The following GNAT2 variants were observed in gnomAD, a reference collection of about 807,000 sequenced individuals.
GNAT2 encodes the protein guanine nucleotide-binding protein G(t) subunit alpha-2.
Under a neutral mutation model 40.9 loss-of-function variants are expected in GNAT2, and 32 were observed. The ratio of observed to expected loss-of-function variants is 0.78; its 90% CI spans 0.59 to 1.05. GNAT2 has a LOEUF of 1.05. GNAT2 is among the 50% of genes least tolerant of loss of function. The pLI is 0.00. For missense variants in GNAT2, 355 were observed against 431.5 expected (o/e 0.82, Z 1.57); for synonymous variants, 141 against 157.2 (o/e 0.90, Z 0.77).
intron 1 of GNAT2, chr1:109,616,500 G>A (rs1649953895): frequency 6.6e-6 from 1 of 152,212 alleles, no homozygotes; most frequent in Admixed American, 6.5e-5. Context: ...TGTCCCAGAT[G>A]GAGTGGGAGG....
intron 3 of GNAT2, 57 bp from the exon 4 acceptor site, chr1:109,610,238 T>C: frequency 6.4e-7 from 1 of 1,574,756 alleles, no homozygotes. Flanking sequence ...ACCTAAGGGA[T>C]TAGGAATTTG....
chr1:109,606,305 T>TA lies in GNAT2; in HGVS notation c.590+2dup. Reference sequence around the variant, plus strand: ...GAGATGCCCTAGGGAACCATGCACTTACCTGAAATTCAAGTCTTTGACGGA... The same window carrying TA: ...GAGATGCCCTAGGGAACCATGCACTTAACCTGAAATTCAAGTCTTTGACGGA... On this transcript the variant is annotated splice_region_variant and intron_variant, in intron 6 of 8. Coordinates refer to ENST00000679935, the MANE Select transcript of GNAT2 (RefSeq NM_001377295.2). 6.2e-7 allele frequency: 1 copy of TA among 1,613,840 alleles called. No individual in the cohort carries two copies. Among genetic ancestry groups the TA allele is most frequent in the Non-Finnish European group, 8.5e-7 (1 of 1,179,736 alleles).
Position 109,603,423 on chromosome 1 carries a change from G to C in GNAT2, c.996C>G (p.Val332=). The part of the protein sequence containing the change: ...HMTCATDTQN[V]KFVFDAVTDI... ...CTGTAACTGCATCAAACACAAATTT[G>C]ACATTCTGTGTATCTGTAGCACAGG... The change falls in exon 9 of 9, where the codon GTC becomes GTG. Residue 332 remains valine, a synonymous_variant. Transcript: ENST00000679935. 1.9e-6 allele frequency: 3 copies of C among 1,601,700 alleles called. No homozygotes were observed. Among genetic ancestry groups the C allele is most frequent in the Non-Finnish European group, 2.6e-6 (3 of 1,168,750 alleles).
At chr1:109,603,649 A>T (rs1442701830) in intron 8 of GNAT2, 105 bp from the exon 9 acceptor site, 46 of 808,478 alleles carry the variant, frequency 5.7e-5, no homozygotes, top group Non-Finnish European at 9.7e-5. Flanking sequence ...ATTAGACAAC[A>T]GCAGTTGGGG....
intron 7 of GNAT2, 132 bp from the exon 8 acceptor site, chr1:109,604,236 A>G (rs1013813493): frequency 1.4e-4 from 103 of 738,924 alleles, no homozygotes; most frequent in African/African-American, 1.2e-3. Flanking sequence ...GCTTATCTCA[A>G]TGTACCAGAG....
chr1:109,610,469 T>C lies in GNAT2; in HGVS notation c.157A>G (p.Met53Val), dbSNP rs770225385. The C allele has an allele frequency of 6.2e-7, 1 of 1,613,652 alleles. No individual in the cohort carries two copies. Among genetic ancestry groups the C allele is most frequent in the Non-Finnish European group, 8.5e-7 (1 of 1,179,692 alleles). Residue 53 changes from methionine (M) to valine (V), a missense_variant, in exon 3 of 9, where the codon ATG becomes GTG. Physicochemically the swap from Met to Val is conservative, Grantham distance 21. Transcript: ENST00000679935. Reference protein sequence around the residue: ...ESGKSTIVKQMKIIHQDGYSP... With the variant: ...ESGKSTIVKQVKIIHQDGYSP... ...TGGGGCTTTGTTTCTACTCACTTCA[T>C]CTGTTTGACGATGGTGCTCTTTCCT... is the stretch of plus-strand genomic sequence containing the variant.
chr1:109,607,953 G>A (rs565905865), intron 5 of GNAT2: 1 of 162,148 alleles, frequency 6.2e-6, no homozygotes, highest in South Asian at 1.6e-4. Context: ...CAGATGGTTA[G>A]GTTAAATAAA....
intron 4 of GNAT2, 82 bp from the exon 5 acceptor site, chr1:109,608,870 T>G (rs1649704871): frequency 2.9e-6 from 3 of 1,027,834 alleles, no homozygotes; most frequent in Non-Finnish European, 4.6e-6. Context: ...TGAATGGAAA[T>G]CATTTTACAT....
At chr1:109,609,910 C>A (rs559184041) in intron 4 of GNAT2, 130 bp downstream of exon 4, 412 of 918,200 alleles carry the variant, frequency 4.5e-4, no homozygotes, top group Admixed American at 1.3e-3. Flanking sequence ...AGTGAGATCC[C>A]ACCCAGCAGG....
Position 109,605,995 on chromosome 1 carries a change from A to G in GNAT2, c.695T>C (p.Met232Thr), listed in dbSNP as rs751307255. The change falls in exon 7 of 9, where the codon ATG becomes ACG. Residue 232 changes from methionine to threonine, a missense_variant. Met to Thr is a moderately conservative substitution (Grantham distance 81, BLOSUM62 -1). Transcript: ENST00000679935. ...CACTTCGTCATCTTCCACCAGCACC[A>G]TATCATAGGCACTGAGGGCTGCACA... ...IFCAALSAYD[M>T]VLVEDDEVNR... 6.2e-7 allele frequency: 1 copy of G among 1,613,788 alleles called. No individual in the cohort carries two copies. The highest frequency in any genetic ancestry group is 1.7e-5 in the Admixed American group (1 of 60,022).
At chr1:109,608,464 A>G in intron 5 of GNAT2, 167 bp downstream of exon 5, 1 of 709,244 alleles carries the variant, frequency 1.4e-6, no homozygotes, top group Middle Eastern at 3.0e-4. Context: ...ATTAAATTCA[A>G]AACATTGCTG....
At chr1:109,618,536 C>A (rs1650022784) in intron 1 of GNAT2, among the ~76,000 whole-genome samples, 1 of 152,170 alleles carries the variant, frequency 6.6e-6, no homozygotes, top group South Asian at 2.1e-4. Flanking sequence ...AATTTTGATT[C>A]TATATTACCA....
At chr1:109,606,516 C>A in intron 5 of GNAT2, 80 bp from the exon 6 acceptor site, 1 of 1,157,952 alleles carries the variant, frequency 8.6e-7, no homozygotes, top group South Asian at 1.2e-5. Flanking sequence ...TACCCAAAGT[C>A]ACACAGCTAA....
rs1352991147 is a variant in GNAT2 at position 109,604,111 on chromosome 1, A to C, written c.721-7T>G. Reference sequence around the variant, plus strand: ...AAGACTCATGCATACGATTCTAGTAAGAGGAAACACCATTGGAAATATCAG... The same window carrying C: ...AAGACTCATGCATACGATTCTAGTACGAGGAAACACCATTGGAAATATCAG... On this transcript the variant is annotated splice_polypyrimidine_tract_variant and splice_region_variant and intron_variant, in intron 7 of 8. Coordinates refer to ENST00000679935, the MANE Select transcript of GNAT2 (RefSeq NM_001377295.2). The C allele has an allele frequency of 6.2e-6, 10 of 1,604,312 alleles. No homozygotes were observed. Among genetic ancestry groups the C allele is most frequent in the Non-Finnish European group, 8.5e-6 (10 of 1,171,544 alleles).
chr1:109,613,843 C>T (rs1165609550), intron 1 of GNAT2: 1 of 152,176 alleles, frequency 6.6e-6, no homozygotes, highest in East Asian at 1.9e-4. Context: ...TGTGCTGCCT[C>T]ACACAAAAAA....
Position 109,606,071 on chromosome 1 carries a change from C to T in GNAT2, c.619G>A (p.Glu207Lys), listed in dbSNP as rs267597907. ...AAGCAGTGGATCCACTTCTTTCTCT[C>T]GGATCTCTGCCCTCCCACATCAAAC... is the stretch of plus-strand genomic sequence containing the variant. ...RMFDVGGQRS[E>K]RKKWIHCFEG... The change falls in exon 7 of 9, where the codon GAG (glutamate) becomes AAG (lysine). Residue 207 changes from glutamate (E) to lysine (K), a missense_variant. By Grantham distance (56) the Glu-to-Lys change is moderately conservative. Transcript: ENST00000679935. 6.2e-6 allele frequency: 10 copies of T among 1,613,746 alleles called. No individual in the cohort carries two copies. Among genetic ancestry groups the T allele is most frequent in the South Asian group, 4.4e-5 (4 of 91,072 alleles).
At chr1:109,619,154 A>C (rs1650048350) in intron 1 of GNAT2, among the ~76,000 whole-genome samples, 1 of 152,246 alleles carries the variant, frequency 6.6e-6, no homozygotes, top group African/African-American at 2.4e-5. Flanking sequence ...CAAGTGAATC[A>C]ACCTGTGAGT....
chr1:109,610,236 G>A, intron 3 of GNAT2, 55 bp from the exon 4 acceptor site: 1 of 1,581,434 alleles, frequency 6.3e-7, no homozygotes, highest in Non-Finnish European at 8.7e-7. Flanking sequence ...AGACCTAAGG[G>A]ATTAGGAATT....
Position 109,606,177 on chromosome 1 carries a change from G to C in GNAT2, c.591-78C>G, listed in dbSNP as rs143323029. On this transcript the variant is annotated intron_variant, in intron 6 of 8. Coordinates refer to ENST00000679935, the MANE Select transcript of GNAT2 (RefSeq NM_001377295.2). The stretch of plus-strand genomic sequence containing the variant: ...GCCTTTGATGGTCACCCCGTGAAGT[G>C]GGAGAGGAAAAGGGGGAGAAGCAGA... 518 of 1,583,546 alleles carry C rather than the reference G, an allele frequency of 3.3e-4. 1 individual carries two copies. The African/African-American group carries it at 6.0e-3, about 18-fold the overall frequency.
Sources: allele counts gnomAD v4.1 joint callset (sites outside exome capture counted in the v4.1 genomes callset), GRCh38; gene constraint gnomAD v4.1.1; transcripts MANE v1.5; gene names NCBI Gene and HGNC (gene_info 2026-07-23, HGNC 2026-07-21).